Variants in C4orf50 observed in about 807,000 individuals in gnomAD.
The protein encoded by C4orf50 is uncharacterized protein C4orf50.
A neutral mutation model predicts 77.2 loss-of-function variants in C4orf50; 80 were observed. That is an observed-to-expected ratio of 1.04 (90% CI 0.87 to 1.25). The LOEUF is 1.25. Ranked by LOEUF, C4orf50 falls within the 50% of genes most tolerant of loss-of-function variation. C4orf50 has a pLI of 0.00. For synonymous variants in C4orf50, 532 were observed against 465.3 expected (o/e 1.14, Z -1.84); for missense variants, 1,257 against 1,152.9 (o/e 1.09, Z -1.31).
intron 7 of C4orf50, among the ~76,000 whole-genome samples, chr4:5,950,916 T>C (rs1052022290): frequency 6.6e-6 from 1 of 152,158 alleles, no homozygotes; most frequent in Admixed American, 6.5e-5. Context: ...AATGAATGAA[T>C]TACCTACGGC....
At chr4:5,924,477 G>A (rs1031720000) in intron 7 of C4orf50, among the ~76,000 whole-genome samples, 4 of 152,194 alleles carry the variant, frequency 2.6e-5, no homozygotes, top group Admixed American at 2.6e-4. Flanking sequence ...GCCAGCAGGA[G>A]CAGAGAGCAG....
At position 5,905,549 on chromosome 4, in the gene C4orf50, TG is replaced by T; in HGVS notation, c.*2475-7362del. 6.6e-6 allele frequency: 1 copy of T among 152,368 alleles called. No individual in the cohort carries two copies. 9.4% of individuals were successfully genotyped at this position (152,368 alleles called of 1,614,324 possible). On this transcript the variant is annotated intron_variant, in intron 7 of 7. Transcript: ENST00000324058. This position sits in a 1 kb window ranked among gnomAD's most constrained non-coding sequence, Gnocchi z 5.4. ...CCACATGCACACACCTTTACGTCACTGGGAGACCCACTTTAAACACCATATG... is the reference window on the plus strand; with the variant it reads ...CCACATGCACACACCTTTACGTCACTGGAGACCCACTTTAAACACCATATG...
At chr4:5,934,451 G>A (rs1316770352) in intron 7 of C4orf50, among the ~76,000 whole-genome samples, 2 of 152,146 alleles carry the variant, frequency 1.3e-5, no homozygotes, top group South Asian at 2.1e-4. Context: ...ATCCCTGCAG[G>A]AGAAGCTCCA....
chr4:5,972,503 A>C (rs1176846580), intron 31 of C4orf50, among the ~76,000 whole-genome samples: 1 of 152,172 alleles, frequency 6.6e-6, no homozygotes, highest in African/African-American at 2.4e-5. Context: ...CTATGAATTG[A>C]GTCAAAAAAT....
rs1720491584 is a variant in C4orf50, at chr4:5,980,107, A to G, written c.3864+67T>C. ...AGAAGACCTCAGCAAATCTTTGTTC[A>G]CTCCCAAAACGCCCCGGGGTGTGGG... On this transcript the variant is annotated intron_variant, in intron 29 of 33. Transcript: ENST00000531445. 4.3e-6 allele frequency: 6 copies of G among 1,392,134 alleles called. No individual in the cohort carries two copies. In the South Asian group the frequency reaches 5.9e-5, roughly 14 times the overall value. 86.2% of individuals were successfully genotyped at this position (1,392,134 alleles called of 1,614,324 possible).
At chr4:5,986,763 T>C (rs1720886884) in intron 28 of C4orf50, among the ~76,000 whole-genome samples, 2 of 152,190 alleles carry the variant, frequency 1.3e-5, no homozygotes, top group South Asian at 2.1e-4. Flanking sequence ...GGTCTCGAAC[T>C]CCTGACCTCA....
chr4:5,935,759 C>T (rs993466115), intron 7 of C4orf50, among the ~76,000 whole-genome samples: 3 of 123,574 alleles, frequency 2.4e-5, no homozygotes, highest in Admixed American at 1.0e-4. Flanking sequence ...GCACTCCAGG[C>T]TGGGCGACAG....
At chr4:5,955,394 G>A (rs6824475), downstream of C4orf50, among the ~76,000 whole-genome samples, 19,693 of 152,060 alleles carry the variant, frequency 0.13, 3,336 homozygotes, top group African/African-American at 0.39. The surrounding 1 kb of genome is among the most constrained non-coding windows in gnomAD (Gnocchi z 5.1). Context: ...GCGTTACAGG[G>A]GAAAGGACGA....
chr4:5,935,420 G>A (rs933598786), intron 7 of C4orf50, among the ~76,000 whole-genome samples: 5 of 152,180 alleles, frequency 3.3e-5, no homozygotes, highest in African/African-American at 1.2e-4. Context: ...ATATCTCATG[G>A]GAATTTGGGG....
At chr4:5,982,505 C>T (rs540249267) in intron 28 of C4orf50, among the ~76,000 whole-genome samples, 54 of 152,250 alleles carry the variant, frequency 3.5e-4, no homozygotes, top group African/African-American at 1.3e-3. Flanking sequence ...TCAATACAGC[C>T]TGATAAAGGG....
At chr4:5,945,925 C>T (rs1482191773) in intron 7 of C4orf50, among the ~76,000 whole-genome samples, 1 of 152,182 alleles carries the variant, frequency 6.6e-6, no homozygotes, top group Non-Finnish European at 1.5e-5. Context: ...CCCTGGCTCC[C>T]TCGGCCTCTG....
At position 6,013,801 on chromosome 4, in the gene C4orf50, G is replaced by C. The variant is rs541717656; in HGVS notation, c.288-1833C>G. 2.6e-5 allele frequency among the ~76,000 whole-genome samples: 4 copies of C among 152,248 alleles called. No individual in the cohort carries two copies. In the South Asian group the frequency reaches 8.3e-4, roughly 32 times the overall value. ...GAAATGGATTTCCCCTCCAGCCTCG[G>C]AGAGGGCTTGGCTCCACCGACAGCT... On this transcript the variant is annotated intron_variant, in intron 23 of 33. Transcript: ENST00000531445.
chr4:5,976,443 G>A (rs1275025407), intron 29 of C4orf50, among the ~76,000 whole-genome samples: 27 of 140,584 alleles, frequency 1.9e-4, no homozygotes, highest in African/African-American at 6.7e-4. Context: ...GCGAGAGAGC[G>A]AGGCTCTGTC....
chr4:5,941,885 AG>A (rs1718283931), intron 7 of C4orf50, among the ~76,000 whole-genome samples: 1 of 152,114 alleles, frequency 6.6e-6, no homozygotes, highest in Non-Finnish European at 1.5e-5. Context: ...TTGGGGCGGT[AG>A]GTTCCAAGTC....
chr4:5,925,203 A>G (rs1035566751), intron 7 of C4orf50, among the ~76,000 whole-genome samples: 9 of 151,508 alleles, frequency 5.9e-5, no homozygotes, highest in Non-Finnish European at 1.2e-4. Flanking sequence ...GGGCCTTCTG[A>G]GATGGGCAGA....
intron 7 of C4orf50, among the ~76,000 whole-genome samples, chr4:5,931,480 A>C (rs1464671612): frequency 6.6e-6 from 1 of 152,204 alleles, no homozygotes; most frequent in Non-Finnish European, 1.5e-5. Flanking sequence ...AGAAGAGACA[A>C]AGGAAGTCTA....
chr4:5,989,085 A>G (rs749639864), exon 28 of C4orf50: 151 of 1,535,902 alleles, frequency 9.8e-5, no homozygotes, highest in Non-Finnish European at 1.2e-4. Flanking sequence ...TCTTTAACTG[A>G]GAGATGTCCC....
At chr4:5,973,105 CTGGGCCCATCGGAGA>C (rs1720027356) in intron 31 of C4orf50, among the ~76,000 whole-genome samples, 1 of 152,340 alleles carries the variant, frequency 6.6e-6, no homozygotes, top group Admixed American at 6.5e-5. Flanking sequence ...TGGAGCGGCT[CTGGGCCCATCGGAGA>C]TGGGCCCACA....
At chr4:5,979,936 T>G (rs763740539) in intron 29 of C4orf50, among the ~76,000 whole-genome samples, 2 of 152,216 alleles carry the variant, frequency 1.3e-5, no homozygotes, top group Non-Finnish European at 2.9e-5. Flanking sequence ...GTAAGCCTGC[T>G]TGACTTTTTA....
Sources: gnomAD v4.1 joint callset for allele counts (sites outside exome capture counted in the v4.1 genomes callset) on GRCh38, gnomAD v4.1.1 for gene constraint, Gnocchi (gnomAD v3.1) non-coding constraint, MANE v1.5 for transcripts, NCBI Gene and HGNC (gene_info 2026-07-23, HGNC 2026-07-21) for gene names.